Variants in STRBP observed in about 807,000 individuals in gnomAD.
STRBP encodes spermatid perinuclear RNA-binding protein.
Under a neutral mutation model 80.1 loss-of-function variants are expected in STRBP, and 13 were observed. The observed-to-expected ratio is 0.16, with a 90% CI of 0.11 to 0.26. The LOEUF (loss-of-function observed/expected upper bound fraction) is 0.26. STRBP is among the 10% of genes least tolerant of loss of function. STRBP has a pLI of 1.00. For synonymous variants in STRBP, 284 were observed against 291.2 expected (o/e 0.98, Z 0.25); for missense variants, 485 against 815.2 (o/e 0.59, Z 4.93).
chr9:123,233,923 G>C (rs764540136), intron 2 of STRBP, among the ~76,000 whole-genome samples: 1 of 152,100 alleles, frequency 6.6e-6, no homozygotes, highest in Admixed American at 6.6e-5. Flanking sequence ...AAACTAGGCC[G>C]GGCGCGGTGG....
chr9:123,206,077 G>A (rs151173609), intron 2 of STRBP, among the ~76,000 whole-genome samples: 2 of 152,234 alleles, frequency 1.3e-5, no homozygotes, highest in Non-Finnish European at 2.9e-5. Flanking sequence ...TAACGTGTTC[G>A]CCAATTGTGA....
intron 18 of STRBP, among the ~76,000 whole-genome samples, chr9:123,127,924 A>C (rs1158861775): frequency 6.6e-6 from 1 of 152,198 alleles, no homozygotes; most frequent in Non-Finnish European, 1.5e-5. Flanking sequence ...CTTTGAATGG[A>C]GTATCAGTTG....
chr9:123,154,399 A>G (rs1298445130), intron 11 of STRBP, among the ~76,000 whole-genome samples: 1 of 152,200 alleles, frequency 6.6e-6, no homozygotes, highest in Non-Finnish European at 1.5e-5. Context: ...AGGAAAGCAT[A>G]CACAAGTGGG....
At chr9:123,233,976 A>G (rs552972013) in intron 2 of STRBP, among the ~76,000 whole-genome samples, 2 of 152,220 alleles carry the variant, frequency 1.3e-5, no homozygotes, top group East Asian at 1.9e-4. Flanking sequence ...CAAGGCGGGC[A>G]GATCACGAGG....
At chr9:123,174,848 T>G (rs1414372637) in intron 4 of STRBP, among the ~76,000 whole-genome samples, 1 of 152,232 alleles carries the variant, frequency 6.6e-6, no homozygotes, top group East Asian at 1.9e-4. Context: ...TAAAAGTTTC[T>G]TATTGGTTCA....
At chr9:123,231,933 A>G (rs1297526678) in intron 2 of STRBP, among the ~76,000 whole-genome samples, 1 of 152,162 alleles carries the variant, frequency 6.6e-6, no homozygotes, top group Admixed American at 6.5e-5. Flanking sequence ...TAAACACACT[A>G]TGCCATTTCC....
intron 2 of STRBP, among the ~76,000 whole-genome samples, chr9:123,192,261 G>T (rs1348667094): frequency 6.6e-6 from 1 of 152,184 alleles, no homozygotes; most frequent in East Asian, 1.9e-4. Context: ...GTTTTCAGTA[G>T]TTTGGTATGT....
chr9:123,223,162 G>T (rs1164315165), intron 2 of STRBP, among the ~76,000 whole-genome samples: 4 of 151,944 alleles, frequency 2.6e-5, no homozygotes, highest in African/African-American at 9.7e-5. Flanking sequence ...TTCCAGAAAG[G>T]GCAGAACTAA....
At chr9:123,239,735 G>T (rs546058899) in intron 1 of STRBP, among the ~76,000 whole-genome samples, 1 of 152,108 alleles carries the variant, frequency 6.6e-6, no homozygotes, top group Non-Finnish European at 1.5e-5. Flanking sequence ...AAGTTTTAAA[G>T]GATAGTTATA....
intron 9 of STRBP, among the ~76,000 whole-genome samples, chr9:123,158,746 C>T (rs557566321): frequency 6.6e-6 from 1 of 152,052 alleles, no homozygotes; most frequent in Non-Finnish European, 1.5e-5. Context: ...GAAAATAAGA[C>T]CAAATTTAAT....
chr9:123,256,199 T>C (rs2041026292), intron 1 of STRBP, among the ~76,000 whole-genome samples: 1 of 151,860 alleles, frequency 6.6e-6, no homozygotes, highest in African/African-American at 2.4e-5. Flanking sequence ...ACTTTGTTTC[T>C]ATAAAGATGT....
intron 5 of STRBP, among the ~76,000 whole-genome samples, chr9:123,172,025 A>T (rs982361730): frequency 6.6e-6 from 1 of 152,240 alleles, no homozygotes; most frequent in African/African-American, 2.4e-5. Context: ...AGAAAGCTCT[A>T]ACAATGCCAA....
chr9:123,220,424 CCA>C (rs1400364535), intron 2 of STRBP, among the ~76,000 whole-genome samples: 1 of 152,158 alleles, frequency 6.6e-6, no homozygotes, highest in East Asian at 1.9e-4. Context: ...CTAAATGTAT[CCA>C]CACACAGAAA....
chr9:123,239,198 A>G (rs2040639851), intron 1 of STRBP, among the ~76,000 whole-genome samples: 2 of 152,054 alleles, frequency 1.3e-5, no homozygotes, highest in South Asian at 2.1e-4. Flanking sequence ...ACACGGTGAA[A>G]CCCTGTCTCC....
chr9:123,119,848 A>G (rs2035702137), downstream of STRBP, among the ~76,000 whole-genome samples: 3 of 152,194 alleles, frequency 2.0e-5, no homozygotes, highest in Admixed American at 2.0e-4. Context: ...TTTGGCCCAG[A>G]TTCCCGCATG....
intron 2 of STRBP, among the ~76,000 whole-genome samples, chr9:123,210,570 C>T (rs994639185): frequency 2.6e-5 from 4 of 152,216 alleles, no homozygotes; most frequent in East Asian, 1.9e-4. Context: ...CAGTGGCTCA[C>T]GCCTGTAATC....
At chr9:123,139,123 C>G (rs746439978) in intron 14 of STRBP, among the ~76,000 whole-genome samples, 1 of 152,196 alleles carries the variant, frequency 6.6e-6, no homozygotes, top group Non-Finnish European at 1.5e-5. Flanking sequence ...CGCAGCTTAG[C>G]ACAAACTTCA....
chr9:123,210,245 A>T (rs1356373301), intron 2 of STRBP, among the ~76,000 whole-genome samples: 3 of 152,210 alleles, frequency 2.0e-5, no homozygotes, highest in Non-Finnish European at 4.4e-5. Flanking sequence ...TCTTAAAGAC[A>T]CAAAAGTATA....
intron 2 of STRBP, among the ~76,000 whole-genome samples, chr9:123,190,464 A>C (rs1296886638): frequency 1.5e-5 from 1 of 68,842 alleles, no homozygotes; most frequent in Non-Finnish European, 5.2e-5. Flanking sequence ...CTTCTTTTTC[A>C]TGTAAAAAAA....
Sources: allele counts gnomAD v4.1 joint callset (sites outside exome capture counted in the v4.1 genomes callset), GRCh38; gene constraint gnomAD v4.1.1; transcripts MANE v1.5; gene names NCBI Gene and HGNC (gene_info 2026-07-23, HGNC 2026-07-21).